ANK2: variants seen among roughly 807,000 people sequenced by gnomAD.
The protein encoded by ANK2 is ankyrin 2, also known as ankyrin-2.
Under a neutral mutation model 360.5 loss-of-function variants are expected in ANK2, and 83 were observed. The observed-to-expected ratio is 0.23, with a 90% CI of 0.19 to 0.28. The LOEUF (loss-of-function observed/expected upper bound fraction) is 0.28, where lower values mean the gene tolerates loss of function less well. Ranked by LOEUF, ANK2 falls within the 10% of genes least tolerant of loss-of-function variation. The probability of loss-of-function intolerance (pLI) is 1.00; values close to 1 mark genes in which losing one functional copy is unlikely to be tolerated. For synonymous variants in ANK2, 1,740 were observed against 1,759.5 expected (o/e 0.99, Z 0.28); for missense variants, 4,201 against 4,795.7 (o/e 0.88, Z 3.66).
intron 4 of ANK2, among the ~76,000 whole-genome samples, chr4:113,211,758 C>T (rs1420703922): frequency 6.6e-6 from 1 of 152,120 alleles, no homozygotes; most frequent in Non-Finnish European, 1.5e-5. Flanking sequence ...TTTGTGTCTT[C>T]TGATATCTGG....
chr4:113,144,890 G>A (rs1231386552), intron 1 of ANK2, among the ~76,000 whole-genome samples: 1 of 149,952 alleles, frequency 6.7e-6, no homozygotes, highest in Non-Finnish European at 1.5e-5. Flanking sequence ...ATCCATATTA[G>A]TCCCTCACAA....
intron 26 of ANK2, among the ~76,000 whole-genome samples, chr4:113,327,876 A>G (rs750538311): frequency 3.3e-5 from 5 of 152,200 alleles, no homozygotes; most frequent in Non-Finnish European, 7.3e-5. Context: ...TAGAAACGGA[A>G]CTATAGAGCA....
chr4:112,711,194 CAA>C, the ANK2 span, among the ~76,000 whole-genome samples: 9 of 135,142 alleles, frequency 6.7e-5, no homozygotes, highest in Admixed American at 1.5e-4. Context: ...CACACTGTCT[CAA>C]AAAAAAAAAA....
intron 39 of ANK2, 27 bp downstream of exon 39, chr4:113,360,924 A>C: frequency 2.5e-6 from 4 of 1,599,574 alleles, no homozygotes; most frequent in Non-Finnish European, 3.4e-6. Flanking sequence ...CCAGGTTTTC[A>C]ACAAAACCTG....
chr4:113,161,111 C>T (rs1330820789), intron 1 of ANK2, among the ~76,000 whole-genome samples: 2 of 152,164 alleles, frequency 1.3e-5, no homozygotes, highest in African/African-American at 2.4e-5. Flanking sequence ...ATTAGCTAAC[C>T]TTGCTTTTGT....
intron 41 of ANK2, among the ~76,000 whole-genome samples, chr4:113,367,290 C>T (rs1374583051): frequency 6.6e-6 from 1 of 152,048 alleles, no homozygotes; most frequent in Non-Finnish European, 1.5e-5. Context: ...TTTCCAAATT[C>T]TAACCCCATG....
At chr4:113,117,058 G>C in intron 1 of ANK2, 1 of 348,368 alleles carries the variant, frequency 2.9e-6, no homozygotes, top group Non-Finnish European at 5.6e-6. Context: ...TGTGCTGCTG[G>C]AGGTCTCGGT....
chr4:113,285,759 A>C (rs565140255), intron 18 of ANK2, among the ~76,000 whole-genome samples: 80 of 152,332 alleles, frequency 5.3e-4, no homozygotes, highest in African/African-American at 1.9e-3. Flanking sequence ...GGAGGGTCTT[A>C]TGATCCACAA....
intron 2 of ANK2, among the ~76,000 whole-genome samples, chr4:113,184,635 G>A (rs560124456): frequency 1.3e-5 from 2 of 152,186 alleles, no homozygotes; most frequent in South Asian, 4.1e-4. Flanking sequence ...GAATCTTCCA[G>A]CCCTTTTGCA....
At chr4:112,883,185 C>A (rs1580447108) in intron 1 of ANK2, among the ~76,000 whole-genome samples, 1 of 151,568 alleles carries the variant, frequency 6.6e-6, no homozygotes, top group African/African-American at 2.4e-5. Flanking sequence ...ATTATAGGCA[C>A]CCACCACTAC....
chr4:113,166,077 C>T (rs1046802159), intron 1 of ANK2, among the ~76,000 whole-genome samples: 2 of 152,060 alleles, frequency 1.3e-5, no homozygotes, highest in Non-Finnish European at 2.9e-5. Flanking sequence ...GTTATCATGC[C>T]TGGAGTACAA....
intron 1 of ANK2, among the ~76,000 whole-genome samples, chr4:112,840,443 G>C (rs1452107184): frequency 3.9e-5 from 6 of 152,138 alleles, no homozygotes; most frequent in African/African-American, 1.4e-4. Context: ...TTCTAGAATG[G>C]TGCAAATTCT....
At position 113,367,840 on chromosome 4, in the gene ANK2, G is replaced by A; in HGVS notation, c.11307G>A (p.Gln3769=). Residue 3769 remains glutamine (Q), a synonymous_variant, in exon 42 of 46, where the codon CAG becomes CAA. Coordinates refer to ENST00000357077, the MANE Select transcript of ANK2 (RefSeq NM_001148.6). ...CTGAAGAGTCATCTCTGGAATATCA[G>A]CAGGAATATTTGTGAGTTTCCAAAG... The part of the protein sequence containing the change: ...DLPEESSLEY[Q]QEYFVTTPGT... 1 of 1,614,124 alleles carries A rather than the reference G, an allele frequency of 6.2e-7. No homozygotes were observed. Among genetic ancestry groups the A allele is most frequent in the Non-Finnish European group, 8.5e-7 (1 of 1,179,990 alleles).
At chr4:112,968,096 A>G (rs1423888676) in intron 2 of ANK2, among the ~76,000 whole-genome samples, 9 of 152,196 alleles carry the variant, frequency 5.9e-5, no homozygotes, top group African/African-American at 2.2e-4. Flanking sequence ...TGTAACTTTC[A>G]GAAGCATTGA....
chr4:112,760,501 CT>C, the ANK2 span, among the ~76,000 whole-genome samples: 33 of 146,176 alleles, frequency 2.3e-4, no homozygotes, highest in South Asian at 2.0e-3. Context: ...ATTCCATATT[CT>C]TTTTTTTTTC....
At chr4:112,716,605 A>G in the ANK2 span, among the ~76,000 whole-genome samples, 7 of 152,264 alleles carry the variant, frequency 4.6e-5, no homozygotes, top group East Asian at 9.6e-4. Context: ...CCCAGGCCGG[A>G]GTGCAGCGAT....
the ANK2 span, among the ~76,000 whole-genome samples, chr4:112,708,159 C>T: frequency 6.6e-6 from 1 of 152,184 alleles, no homozygotes; most frequent in Non-Finnish European, 1.5e-5. Context: ...GAAGGGAAAA[C>T]CGTGTTGTTC....
intron 18 of ANK2, among the ~76,000 whole-genome samples, chr4:113,284,928 G>A (rs2063793274): frequency 6.6e-6 from 1 of 151,786 alleles, no homozygotes; most frequent in Non-Finnish European, 1.5e-5. Flanking sequence ...TTCTTTTTAA[G>A]GCCAACTCAA....
chr4:112,875,397 T>C (rs1404810720), intron 1 of ANK2, among the ~76,000 whole-genome samples: 1 of 151,930 alleles, frequency 6.6e-6, no homozygotes, highest in African/African-American at 2.4e-5. Flanking sequence ...CACTGCACCC[T>C]TGAACTCCTG....
Sources: allele counts gnomAD v4.1 joint callset (sites outside exome capture counted in the v4.1 genomes callset), GRCh38; gene constraint gnomAD v4.1.1; transcripts MANE v1.5; gene names NCBI Gene and HGNC (gene_info 2026-07-23, HGNC 2026-07-21).